ZC4H2: variants seen among roughly 807,000 people sequenced by gnomAD.
The protein encoded by ZC4H2 is zinc finger C4H2-type containing, also known as zinc finger C4H2 domain-containing protein.
For missense variants in ZC4H2, 137 were observed against 173.9 expected (o/e 0.79, Z 1.19); for synonymous variants, 84 against 66.3 (o/e 1.27, Z -1.30).
chrX:65,014,766 C>T (rs1281816562), intron 1 of ZC4H2, among the ~76,000 whole-genome samples: 3 of 111,750 alleles, frequency 2.7e-5, no homozygotes, highest in Non-Finnish European at 5.6e-5. Flanking sequence ...TAGTTCTAGT[C>T]CCATCAACAA....
intron 1 of ZC4H2, among the ~76,000 whole-genome samples, chrX:64,950,181 G>A (rs762083328): frequency 4.1e-4 from 46 of 111,914 alleles, no homozygotes; most frequent in African/African-American, 1.4e-3. Context: ...TTAATCCTGA[G>A]TTCTAGTTTG....
At chrX:64,927,755 A>G (rs750907455) in intron 1 of ZC4H2, among the ~76,000 whole-genome samples, 1 of 112,599 alleles carries the variant, frequency 8.9e-6, no homozygotes, top group Admixed American at 9.4e-5. Flanking sequence ...CCAACAGTGT[A>G]AACACATTCC....
chrX:64,941,972 TCTC>T (rs925111637), intron 1 of ZC4H2, among the ~76,000 whole-genome samples: 3 of 111,765 alleles, frequency 2.7e-5, no homozygotes, highest in Non-Finnish European at 5.6e-5. Context: ...AATTGTACCA[TCTC>T]CTCTTTTTAC....
chrX:64,937,829 C>T (rs180720876), intron 1 of ZC4H2, among the ~76,000 whole-genome samples: 238 of 111,577 alleles, frequency 2.1e-3, no homozygotes, highest in Middle Eastern at 0.018. Context: ...CAAGAGAAAG[C>T]AGAAAAGATC....
chrX:65,028,022 TC>T (rs777319161), intron 1 of ZC4H2, among the ~76,000 whole-genome samples: 3 of 112,085 alleles, frequency 2.7e-5, no homozygotes, highest in Non-Finnish European at 3.8e-5. Context: ...CCTCTCTGCC[TC>T]CTTTTTCTTT....
chrX:64,953,867 A>G (rs1193440262), intron 1 of ZC4H2, among the ~76,000 whole-genome samples: 1 of 111,500 alleles, frequency 9.0e-6, no homozygotes, highest in African/African-American at 3.3e-5. Flanking sequence ...ACACATGCAC[A>G]CGTATGTTTA....
intron 1 of ZC4H2, among the ~76,000 whole-genome samples, chrX:64,934,965 C>A (rs1159249397): frequency 9.1e-6 from 1 of 109,513 alleles, no homozygotes; most frequent in Non-Finnish European, 1.9e-5. Context: ...ACCTTAAGGG[C>A]CAGCGAGAAA....
At chrX:65,019,222 C>T (rs1602457700) in intron 1 of ZC4H2, among the ~76,000 whole-genome samples, 1 of 111,859 alleles carries the variant, frequency 8.9e-6, no homozygotes, top group Admixed American at 9.4e-5. Context: ...GTCCCTGACC[C>T]CCATGTATCC....
At chrX:64,953,970 G>A (rs982462230) in intron 1 of ZC4H2, among the ~76,000 whole-genome samples, 10 of 110,271 alleles carry the variant, frequency 9.1e-5, no homozygotes, top group South Asian at 3.9e-4. Context: ...TATATACACC[G>A]TGGAATACTA....
intron 1 of ZC4H2, among the ~76,000 whole-genome samples, chrX:65,015,440 G>T (rs1932791079): frequency 1.8e-5 from 2 of 112,256 alleles, no homozygotes; most frequent in African/African-American, 6.5e-5. Flanking sequence ...TCCATGCAAT[G>T]ATGGGTATGA....
At chrX:64,987,119 A>G (rs1248644684) in intron 1 of ZC4H2, among the ~76,000 whole-genome samples, 7 of 108,703 alleles carry the variant, frequency 6.4e-5, no homozygotes, top group Non-Finnish European at 1.1e-4. Context: ...TAGTAGAGAC[A>G]GGGTTTCACT....
chrX:65,002,916 A>C (rs1292093050), intron 1 of ZC4H2, among the ~76,000 whole-genome samples: 2 of 109,380 alleles, frequency 1.8e-5, no homozygotes, highest in African/African-American at 6.7e-5. Context: ...GGACACAAAC[A>C]CTGCGGAAGG....
chrX:65,026,859 C>T (rs1932884843), intron 1 of ZC4H2, among the ~76,000 whole-genome samples: 1 of 112,376 alleles, frequency 8.9e-6, no homozygotes. Context: ...CTGCATCTCT[C>T]TGTGTTTCTG....
chrX:64,956,180 C>T (rs1008357471), intron 1 of ZC4H2, among the ~76,000 whole-genome samples: 1 of 111,549 alleles, frequency 9.0e-6, no homozygotes, highest in Non-Finnish European at 1.9e-5. Context: ...GCACTTGTCG[C>T]CTATGGAGAA....
At chrX:65,030,122 C>CT (rs1250193347) in intron 1 of ZC4H2, among the ~76,000 whole-genome samples, 1 of 110,797 alleles carries the variant, frequency 9.0e-6, no homozygotes, top group Non-Finnish European at 1.9e-5. Context: ...TTTTATTTTT[C>CT]TTTTTTATTT....
At chrX:64,949,798 G>T (rs1159918169) in intron 1 of ZC4H2, among the ~76,000 whole-genome samples, 1 of 111,259 alleles carries the variant, frequency 9.0e-6, no homozygotes, top group East Asian at 2.8e-4. Context: ...CAAAAAACCA[G>T]CTCCTGGATT....
Position 64,976,445 on chromosome X carries a change from C to A in ZC4H2, c.-68G>T, listed in dbSNP as rs1026196357. On this transcript the variant is annotated 5_prime_UTR_variant, in exon 1 of 5. Coordinates refer to ENST00000374839, the MANE Select transcript of ZC4H2 (RefSeq NM_018684.4). ...CACCAGCCAAGGGATACAATAGACACAATGTAGCCACCTCCTCCGGGCTTG... is the reference window on the plus strand; with the variant it reads ...CACCAGCCAAGGGATACAATAGACAAAATGTAGCCACCTCCTCCGGGCTTG... The A allele has an allele frequency of 1.4e-5, 15 of 1,099,018 alleles. No homozygotes were observed. The African/African-American group carries it at 2.7e-4, about 20-fold the overall frequency. The allele number at this position is 1,099,018 out of a possible 1,213,427, so 90.6% of individuals were successfully genotyped here. A position where few individuals can be genotyped will look rare whatever the true frequency, so the allele number is the denominator to read the frequency against.
chrX:64,976,598 G>GT (rs1445814683), upstream of ZC4H2: 8 of 423,426 alleles, frequency 1.9e-5, no homozygotes, highest in Non-Finnish European at 2.9e-5. Context: ...AGACATGCCT[G>GT]TTTCCCTTCC....
At position 64,920,775 on chromosome X, in the gene ZC4H2, C is replaced by T. The variant is rs767877327; in HGVS notation, c.226-522G>A. 2.3e-3 allele frequency among the ~76,000 whole-genome samples: 254 copies of T among 112,495 alleles called. 2 individuals are homozygous for T. Among genetic ancestry groups the T allele is most frequent in the Non-Finnish European group, 4.1e-3 (218 of 53,303 alleles). On this transcript the variant is annotated intron_variant, in intron 2 of 4. Transcript: ENST00000374839. ...GTGGCCAAGGGATCAGCAGCATCAGCATCACCTGGGAACTCAGAAATGCAT... is the reference window on the plus strand; with the variant it reads ...GTGGCCAAGGGATCAGCAGCATCAGTATCACCTGGGAACTCAGAAATGCAT...
Sources: gnomAD v4.1 joint callset for allele counts (sites outside exome capture counted in the v4.1 genomes callset) on GRCh38, gnomAD v4.1.1 for gene constraint, MANE v1.5 for transcripts, NCBI Gene and HGNC (gene_info 2026-07-23, HGNC 2026-07-21) for gene names.